Variants in PACRG observed in about 807,000 individuals in gnomAD.
PACRG encodes parkin coregulated.
In PACRG, 29 loss-of-function variants were observed where a neutral mutation model predicts 29.7. The observed-to-expected ratio is 0.98, with a 90% CI of 0.73 to 1.33. The LOEUF (loss-of-function observed/expected upper bound fraction) is 1.33, where lower values mean the gene tolerates loss of function less well. Among genes scored for constraint, PACRG ranks in the 40% most tolerant of loss-of-function variants. PACRG has a pLI of 0.00. For missense variants in PACRG, 279 were observed against 316.2 expected (o/e 0.88, Z 0.89); for synonymous variants, 116 against 118.7 (o/e 0.98, Z 0.15).
chr6:163,247,714 T>G (rs1158632205), intron 4 of PACRG, among the ~76,000 whole-genome samples: 1 of 152,110 alleles, frequency 6.6e-6, no homozygotes, highest in Non-Finnish European at 1.5e-5. Flanking sequence ...CAAACAATCT[T>G]TAACAGACAC....
intron 4 of PACRG, among the ~76,000 whole-genome samples, chr6:163,244,351 G>T (rs1437941421): frequency 6.6e-6 from 1 of 151,956 alleles, no homozygotes; most frequent in East Asian, 1.9e-4. Flanking sequence ...GAATCATCTA[G>T]TATTTTCTGT....
intron 1 of PACRG, among the ~76,000 whole-genome samples, chr6:162,747,093 G>A (rs1445268919): frequency 3.3e-5 from 5 of 151,754 alleles, no homozygotes; most frequent in African/African-American, 1.2e-4. Flanking sequence ...TGCTAAAGGA[G>A]ATTAACATTT....
chr6:162,992,915 C>T (rs1476941081), intron 2 of PACRG, among the ~76,000 whole-genome samples: 12 of 151,842 alleles, frequency 7.9e-5, no homozygotes, highest in Non-Finnish European at 1.6e-4. Context: ...GCTTTGAGTG[C>T]GTCCCAGAGA....
At chr6:163,266,605 T>G (rs1464667314) in intron 4 of PACRG, among the ~76,000 whole-genome samples, 1 of 152,206 alleles carries the variant, frequency 6.6e-6, no homozygotes, top group Non-Finnish European at 1.5e-5. Flanking sequence ...CTTCTCCTGA[T>G]TTTTTTGCTC....
intron 2 of PACRG, chr6:163,043,146 CGAA>C (rs1808916962): frequency 6.6e-6 from 1 of 152,178 alleles, no homozygotes; most frequent in African/African-American, 2.4e-5. Flanking sequence ...GTGTCCTTCA[CGAA>C]TGACTTCTGT....
At chr6:163,025,709 A>G (rs1186396933) in intron 2 of PACRG, among the ~76,000 whole-genome samples, 1 of 152,240 alleles carries the variant, frequency 6.6e-6, no homozygotes, top group Non-Finnish European at 1.5e-5. Flanking sequence ...TTTGCATGGA[A>G]AAGAACCAGA....
chr6:163,197,210 C>G (rs1039590696), intron 4 of PACRG, among the ~76,000 whole-genome samples: 1 of 152,070 alleles, frequency 6.6e-6, no homozygotes, highest in East Asian at 1.9e-4. Context: ...CCTTTGAATA[C>G]AGTCATAACT....
At chr6:163,165,912 C>T in intron 4 of PACRG, 1 of 359,938 alleles carries the variant, frequency 2.8e-6, no homozygotes, top group South Asian at 2.1e-5. Flanking sequence ...GCATCTAAGG[C>T]ACCATTAGCC....
In PACRG at chr6:162,747,393, T is replaced by TATATATAACTATAA. The variant is rs1562556813; in HGVS notation, c.156+19009_156+19010insACTATAAATATATA. 7.0e-4 allele frequency among the ~76,000 whole-genome samples: 26 copies of TATATATAACTATAA among 36,954 alleles called. 2 individuals are homozygous for TATATATAACTATAA. Among genetic ancestry groups the TATATATAACTATAA allele is most frequent in the African/African-American group, 5.3e-3 (26 of 4,940 alleles). 24.2% of individuals were successfully genotyped at this position (36,954 alleles called of 152,430 possible). A position where few individuals can be genotyped will look rare whatever the true frequency, so the allele number is the denominator to read the frequency against. ...ATACATATATATGTATATATATGTATATATATATGTATATATATATATAAC... is the reference window on the plus strand; with the variant it reads ...ATACATATATATGTATATATATGTATATATATAACTATAAATATATATGTATATATATATATAAC... On this transcript the variant is annotated intron_variant, in intron 1 of 4. Transcript: ENST00000366888.
intron 2 of PACRG, among the ~76,000 whole-genome samples, chr6:163,045,194 C>T (rs781164112): frequency 2.0e-5 from 3 of 152,088 alleles, no homozygotes; most frequent in Non-Finnish European, 4.4e-5. Context: ...AGGGCACTGG[C>T]TCAGGTCTTC....
chr6:162,935,262 C>T (rs147761393), intron 2 of PACRG, among the ~76,000 whole-genome samples: 127 of 152,118 alleles, frequency 8.3e-4, no homozygotes, highest in Non-Finnish European at 1.4e-3. Context: ...GCTATTATTT[C>T]GTTAAATAAA....
intron 2 of PACRG, among the ~76,000 whole-genome samples, chr6:162,946,257 A>G (rs1057025287): frequency 5.3e-5 from 8 of 151,018 alleles, no homozygotes; most frequent in Non-Finnish European, 7.4e-5. Context: ...GTAACCAAGG[A>G]AAAAAAAATG....
intron 4 of PACRG, among the ~76,000 whole-genome samples, chr6:163,105,945 A>T (rs1815357876): frequency 6.6e-6 from 1 of 152,090 alleles, no homozygotes; most frequent in Non-Finnish European, 1.5e-5. Flanking sequence ...TTGACTTGTT[A>T]ATTTGTAGAT....
intron 2 of PACRG, among the ~76,000 whole-genome samples, chr6:162,919,528 G>A (rs922039952): frequency 3.3e-5 from 5 of 152,172 alleles, no homozygotes; most frequent in African/African-American, 1.2e-4. Context: ...CCAGCTAAGA[G>A]GCCAGTACAA....
intron 4 of PACRG, among the ~76,000 whole-genome samples, chr6:163,305,574 T>A (rs1785170095): frequency 6.6e-6 from 1 of 152,148 alleles, no homozygotes; most frequent in Non-Finnish European, 1.5e-5. Flanking sequence ...TCATAATAAA[T>A]GCCCATAAAG....
chr6:162,915,575 C>G (rs770067461), intron 2 of PACRG, among the ~76,000 whole-genome samples: 17 of 151,952 alleles, frequency 1.1e-4, no homozygotes, highest in Admixed American at 1.1e-3. Flanking sequence ...TGCGTTTTCT[C>G]TTTGTACCAT....
At chr6:163,125,413 T>C (rs956273299) in intron 4 of PACRG, among the ~76,000 whole-genome samples, 7 of 152,186 alleles carry the variant, frequency 4.6e-5, no homozygotes, top group African/African-American at 1.7e-4. Flanking sequence ...CTATATAATA[T>C]AAACTTAAAA....
chr6:162,970,986 A>T (rs186438678), intron 2 of PACRG, among the ~76,000 whole-genome samples: 12 of 152,330 alleles, frequency 7.9e-5, no homozygotes, highest in Admixed American at 6.5e-4. Flanking sequence ...AGATGTGGTC[A>T]TCTTCACTTG....
At chr6:162,925,761 C>T (rs1264837883) in intron 2 of PACRG, among the ~76,000 whole-genome samples, 1 of 152,102 alleles carries the variant, frequency 6.6e-6, no homozygotes, top group Admixed American at 6.6e-5. Flanking sequence ...GACAAGGATG[C>T]CTTCTCTCAC....
Sources: allele counts gnomAD v4.1 joint callset (sites outside exome capture counted in the v4.1 genomes callset), GRCh38; gene constraint gnomAD v4.1.1; transcripts MANE v1.5; gene names NCBI Gene and HGNC (gene_info 2026-07-23, HGNC 2026-07-21).